Variants in SCNN1D observed in about 807,000 individuals in gnomAD.
The protein encoded by SCNN1D is epithelial sodium channel subunit delta.
Under a neutral mutation model 87.8 loss-of-function variants are expected in SCNN1D, and 104 were observed. The observed-to-expected ratio is 1.18, with a 90% confidence interval of 1.01 to 1.39. SCNN1D has a LOEUF of 1.39. Among genes scored for constraint, SCNN1D ranks in the 40% most tolerant of loss-of-function variants. SCNN1D has a pLI of 0.00. For missense variants in SCNN1D, 1,324 were observed against 1,093.9 expected, an observed-to-expected ratio of 1.21 and a Z score of -2.97; for synonymous variants, 628 against 481.2, an observed-to-expected ratio of 1.31 and a Z score of -3.99.
At chr1:1,291,001 T>G in intron 16 of SCNN1D, 48 bp downstream of exon 16, 3 of 1,408,014 alleles carry the variant, frequency 2.1e-6, no homozygotes, top group South Asian at 1.2e-5. Context: ...CCCTCTCCCC[T>G]CAAAGCCCCC....
At position 1,288,001 on chromosome 1, in the gene SCNN1D, G is replaced by A. The variant is rs747470500; in HGVS notation, c.1626G>A (p.Glu542=). Residue 542 remains glutamate (E), a synonymous_variant, in exon 12 of 18, where the codon GAG becomes GAA. Transcript: ENST00000379116. The part of the protein sequence containing the change: ...GHCTAGGEGV[E]VELLHNTSYT... ...GCACCGCCGGCGGGGAAGGCGTGGA[G>A]GTGGAGCTGCTACACAACACCTCCT... 13 of 1,547,514 alleles carry A rather than the reference G, an allele frequency of 8.4e-6. No homozygotes were observed. Among genetic ancestry groups the A allele is most frequent in the Admixed American group, 2.0e-5 (1 of 50,882 alleles).
intron 5 of SCNN1D, 81 bp from the exon 6 acceptor site, chr1:1,285,490 G>A (rs1640568459): frequency 4.1e-6 from 4 of 973,756 alleles, no homozygotes; most frequent in African/African-American, 3.5e-5. Flanking sequence ...AGCCATCAGG[G>A]GCAAGAAGGG....
Position 1,290,685 on chromosome 1 carries a change from C to G in SCNN1D, c.1908C>G (p.Ala636=), listed in dbSNP as rs1248924431. 5.6e-6 allele frequency: 9 copies of G among 1,612,500 alleles called. No homozygotes were observed. The highest frequency in any genetic ancestry group is 7.6e-6 in the Non-Finnish European group (9 of 1,179,932). Residue 636 remains alanine (A), a synonymous_variant, in exon 15 of 18, where the codon GCC becomes GCG. Transcript: ENST00000379116. ...LSTGTSRWPS[A]KSAGWTLATL... ...CTGGGACCTCCAGGTGGCCTTCCGC[C>G]AAGTCAGCTGTGAGTCCCCAAAGTG...
chr1:1,291,861 C>T lies in SCNN1D; in HGVS notation c.*251C>T, dbSNP rs895784130. The T allele has an allele frequency of 7.1e-5, 30 of 421,188 alleles. No homozygotes were observed. The highest frequency in any genetic ancestry group is 9.3e-5 in the Non-Finnish European group (22 of 236,746). The allele number at this position is 421,188 out of a possible 1,614,324, so 26.1% of individuals were successfully genotyped here. On this transcript the variant is annotated 3_prime_UTR_variant, in exon 18 of 18. Transcript: ENST00000379116. ...ACGAGTGCGGCTGGACGTGCCGACA[C>T]GCGGTGATGTACCCATGCTCCGTGT... is the stretch of plus-strand genomic sequence containing the variant.
intron 6 of SCNN1D, 40 bp downstream of exon 6, chr1:1,285,704 C>T (rs2100322720): frequency 1.4e-6 from 2 of 1,448,546 alleles, no homozygotes; most frequent in South Asian, 1.3e-5. Flanking sequence ...CCTGCTGCCC[C>T]AGCAGCCCAA....
intron 1 of SCNN1D, 164 bp downstream of exon 1, chr1:1,280,830 C>G: frequency 1.6e-6 from 1 of 606,492 alleles, no homozygotes; most frequent in Non-Finnish European, 3.0e-6. Context: ...CTTACTCCTC[C>G]CAGCAGGGGA....
intron 3 of SCNN1D, chr1:1,281,970 A>G: frequency 1.7e-6 from 1 of 575,374 alleles, no homozygotes; most frequent in Non-Finnish European, 3.1e-6. Flanking sequence ...CCCGCCTGCC[A>G]AGTAGCCGCC....
chr1:1,289,986 G>A (rs562787099), intron 12 of SCNN1D, among the ~76,000 whole-genome samples: 7 of 44,808 alleles, frequency 1.6e-4, no homozygotes, highest in Non-Finnish European at 1.5e-4. Context: ...GCTCCGTCCC[G>A]TGTCCCTGCT....
chr1:1,288,011 C>T lies in SCNN1D; in HGVS notation c.1636C>T (p.Leu546=). 1.9e-6 allele frequency: 3 copies of T among 1,543,134 alleles called. No homozygotes were observed. The highest frequency in any genetic ancestry group is 2.6e-6 in the Non-Finnish European group (3 of 1,142,778). Reference sequence around the variant, plus strand: ...CGGGGAAGGCGTGGAGGTGGAGCTGCTACACAACACCTCCTACACCAGGCA... The same window carrying T: ...CGGGGAAGGCGTGGAGGTGGAGCTGTTACACAACACCTCCTACACCAGGCA... ...AGGEGVEVEL[L]HNTSYTRQAC... Residue 546 remains leucine (L), a synonymous_variant, in exon 12 of 18, where the codon CTA becomes TTA. Coordinates refer to ENST00000379116, the MANE Select transcript of SCNN1D (RefSeq NM_001130413.4).
At chr1:1,290,224 ATGTCTCCG>A in intron 12 of SCNN1D, 39 bp from the exon 13 acceptor site, 2 of 1,315,656 alleles carry the variant, frequency 1.5e-6, no homozygotes, top group South Asian at 1.4e-5. Flanking sequence ...CCCGTCCCCC[ATGTCTCCG>A]CTCCATCCCA....
At position 1,284,529 on chromosome 1, in the gene SCNN1D, GAGCGTGTGCTGGACCACGGGGGGTGCAC is replaced by G. The variant is rs1557580684; in HGVS notation, c.464+466_464+493del. Reference sequence around the variant, plus strand: ...TGTGTGCTGGACCACTGGGGGTGCCGAGCGTGTGCTGGACCACGGGGGGTGCACAGCGTGTGCTGGACCACGGGGGGTG... The same window carrying G: ...TGTGTGCTGGACCACTGGGGGTGCCGAGCGTGTGCTGGACCACGGGGGGTG... On this transcript the variant is annotated intron_variant, in intron 5 of 17. Transcript: ENST00000379116. 1.3e-3 allele frequency among the ~76,000 whole-genome samples: 186 copies of G among 148,114 alleles called. 2 individuals are homozygous for G. In the East Asian group the frequency reaches 0.014, roughly 11 times the overall value.
Position 1,291,842 on chromosome 1 carries a change from G to A in SCNN1D, c.*232G>A. 1 of 437,606 alleles carries A rather than the reference G, an allele frequency of 2.3e-6. No homozygotes were observed. The highest frequency in any genetic ancestry group is 2.0e-5 in the African/African-American group (1 of 49,488). The allele number at this position is 437,606 out of a possible 1,614,324, so 27.1% of individuals were successfully genotyped here. ...GGGGGGTTCCCGCGTGCACACGAGT[G>A]CGGCTGGACGTGCCGACACGCGGTG... is the stretch of plus-strand genomic sequence containing the variant. On this transcript the variant is annotated 3_prime_UTR_variant, in exon 18 of 18. Coordinates refer to ENST00000379116, the MANE Select transcript of SCNN1D (RefSeq NM_001130413.4).
chr1:1,282,002 C>G, intron 3 of SCNN1D: 1 of 587,856 alleles, frequency 1.7e-6, no homozygotes. Flanking sequence ...TGCCCTGTCT[C>G]CTCGGCAGGT....
intron 14 of SCNN1D, 37 bp downstream of exon 14, chr1:1,290,592 T>C (rs1309923593): frequency 6.2e-7 from 1 of 1,612,542 alleles, no homozygotes; most frequent in Admixed American, 1.7e-5. Context: ...CCAGGGATCA[T>C]TGCCCCAGGT....
rs371271600 is a variant in SCNN1D, at chr1:1,287,604, C to T, written c.1399+8C>T. ...GCCCCGGCATCACCCACGGTGGGTG[C>T]CAGCCCCTGGCCGGTGCGGGGGCAG... On this transcript the variant is annotated splice_region_variant and intron_variant, in intron 10 of 17. Coordinates refer to ENST00000379116, the MANE Select transcript of SCNN1D (RefSeq NM_001130413.4). 142 of 1,605,580 alleles carry T rather than the reference C, an allele frequency of 8.8e-5. No homozygotes were observed. Among genetic ancestry groups the T allele is most frequent in the Middle Eastern group, 1.7e-4 (1 of 6,052 alleles).
In SCNN1D at chr1:1,285,421, C is replaced by G; in HGVS notation, c.465-150C>G. On this transcript the variant is annotated intron_variant, in intron 5 of 17. Coordinates refer to ENST00000379116, the MANE Select transcript of SCNN1D (RefSeq NM_001130413.4). ...CAGGCCAGACGCTTCCTGGACTTGG[C>G]TGGATGGGCCTGGCACAGTCGGTCC... 5.3e-6 allele frequency: 3 copies of G among 561,218 alleles called. No individual in the cohort carries two copies. In the East Asian group the frequency reaches 9.2e-5, roughly 17 times the overall value. The allele number at this position is 561,218 out of a possible 1,614,324, so 34.8% of individuals were successfully genotyped here.
intron 4 of SCNN1D, among the ~76,000 whole-genome samples, chr1:1,282,653 C>T (rs891025628): frequency 5.9e-5 from 9 of 151,660 alleles, no homozygotes; most frequent in Non-Finnish European, 1.2e-4. Flanking sequence ...GAGGTCTTAG[C>T]GTGTGTGGTC....
In SCNN1D at chr1:1,284,023, C is replaced by T; in HGVS notation, c.397C>T (p.Gln133Ter). The T allele has an allele frequency of 4.2e-6, 6 of 1,428,492 alleles. No homozygotes were observed. The highest frequency in any genetic ancestry group is 5.5e-6 in the Non-Finnish European group (6 of 1,099,154). 88.5% of individuals were successfully genotyped at this position (1,428,492 alleles called of 1,614,324 possible). The change falls in exon 5 of 18, where the codon CAA becomes TAA. Residue 133 changes from glutamine to a stop codon, truncating the protein, a stop_gained. Transcript: ENST00000379116. LOFTEE classifies it high-confidence loss of function. Reference protein sequence around the residue: ...ILLQSCQLPPQWLSTEAWTGE... With the variant: ...ILLQSCQLPP Reference sequence around the variant, plus strand: ...GCTTCAGAGCTGCCAGCTGCCCCCGCAATGGCTGAGCACCGAAGCATGGAC... The same window carrying T: ...GCTTCAGAGCTGCCAGCTGCCCCCGTAATGGCTGAGCACCGAAGCATGGAC...
chr1:1,282,122 C>A, intron 3 of SCNN1D, 120 bp from the exon 4 acceptor site: 1 of 666,110 alleles, frequency 1.5e-6, no homozygotes, highest in South Asian at 1.8e-5. Context: ...ATCAGCAAGC[C>A]CCCTGCCGCG....
Sources: gnomAD v4.1 joint callset for allele counts (sites outside exome capture counted in the v4.1 genomes callset) on GRCh38, gnomAD v4.1.1 for gene constraint, MANE v1.5 for transcripts, NCBI Gene and HGNC (gene_info 2026-07-23, HGNC 2026-07-21) for gene names.